MEGF11: variants seen among roughly 807,000 people sequenced by gnomAD.
MEGF11 encodes multiple EGF like domains 11.
In MEGF11, 126 loss-of-function variants were observed where a neutral mutation model predicts 146.6. The ratio of observed to expected loss-of-function variants is 0.86; its 90% CI spans 0.74 to 1.00. The LOEUF (loss-of-function observed/expected upper bound fraction) is 1.00. Among genes scored for constraint, MEGF11 ranks in the 50% least tolerant of loss-of-function variants. The pLI is 0.00. For missense variants in MEGF11, 1,509 were observed against 1,521.2 expected, an observed-to-expected ratio of 0.99 and a Z score of 0.13; for synonymous variants, 532 against 583.4, an observed-to-expected ratio of 0.91 and a Z score of 1.27.
chr15:65,909,017 T>TAGGGCTGGGGTC lies in MEGF11; in HGVS notation c.2998+5_2998+16dup. On this transcript the variant is annotated intron_variant, in intron 23 of 25. Coordinates refer to ENST00000395614, the MANE Select transcript of MEGF11 (RefSeq NM_001385028.1). ...TGGTCTGGCATGAGGGGGTGGAGGG[T>TAGGGCTGGGGTC]AGGGCTGGGGTCTGACCTGGTGAGT... 6.7e-7 allele frequency: 1 copy of TAGGGCTGGGGTC among 1,497,676 alleles called. No individual in the cohort carries two copies. The highest frequency in any genetic ancestry group is 9.0e-7 in the Non-Finnish European group (1 of 1,113,092). 92.8% of individuals were successfully genotyped at this position (1,497,676 alleles called of 1,614,324 possible). A position where few individuals can be genotyped will look rare whatever the true frequency, so the allele number is the denominator to read the frequency against.
intron 5 of MEGF11, among the ~76,000 whole-genome samples, chr15:66,043,511 T>C (rs1406990782): frequency 6.6e-6 from 1 of 152,044 alleles, no homozygotes; most frequent in African/African-American, 2.4e-5. Flanking sequence ...AATGTAATTA[T>C]GCCCGCGTGA....
chr15:66,186,278 AG>A (rs2090698567), intron 1 of MEGF11, among the ~76,000 whole-genome samples: 1 of 152,118 alleles, frequency 6.6e-6, no homozygotes. Flanking sequence ...AGGAGGCTAG[AG>A]TTTTTGGAAG....
chr15:66,218,576 G>C (rs531882156), intron 1 of MEGF11, among the ~76,000 whole-genome samples: 10 of 152,154 alleles, frequency 6.6e-5, no homozygotes, highest in Admixed American at 6.5e-4. Context: ...GGGGATGAAG[G>C]TTTTACTGCC....
intron 1 of MEGF11, among the ~76,000 whole-genome samples, chr15:66,130,138 T>C (rs2088575389): frequency 6.6e-6 from 1 of 152,142 alleles, no homozygotes; most frequent in South Asian, 2.1e-4. Flanking sequence ...AGCTCAGCGA[T>C]CATTTCAATC....
At chr15:66,121,219 C>A (rs2088008187) in intron 3 of MEGF11, among the ~76,000 whole-genome samples, 2 of 152,210 alleles carry the variant, frequency 1.3e-5, no homozygotes, top group South Asian at 4.1e-4. Context: ...TACCCCTGAG[C>A]AAACTTGGCT....
intron 5 of MEGF11, among the ~76,000 whole-genome samples, chr15:66,013,895 G>A (rs2082793442): frequency 6.6e-6 from 1 of 152,226 alleles, no homozygotes; most frequent in African/African-American, 2.4e-5. Flanking sequence ...TGGAGGAGCA[G>A]TTAGGGGCCA....
In MEGF11 at chr15:65,904,997, A is replaced by T. The variant is rs187591906; in HGVS notation, c.3055+1088T>A. On this transcript the variant is annotated intron_variant, in intron 24 of 25. Transcript: ENST00000395614. Reference sequence around the variant, plus strand: ...AACCTTTGCCTCCCGGCTTCAAGCAATTCTTGTGCCTCAGCCTCCCAAGTA... The same window carrying T: ...AACCTTTGCCTCCCGGCTTCAAGCATTTCTTGTGCCTCAGCCTCCCAAGTA... 5.9e-5 allele frequency among the ~76,000 whole-genome samples: 9 copies of T among 152,318 alleles called. No homozygotes were observed. In the East Asian group the frequency reaches 1.7e-3, roughly 29 times the overall value.
intron 5 of MEGF11, among the ~76,000 whole-genome samples, chr15:66,023,697 C>T (rs994724777): frequency 6.6e-6 from 1 of 150,770 alleles, no homozygotes; most frequent in Non-Finnish European, 1.5e-5. Flanking sequence ...GAAGAAAAGC[C>T]ACTGAATCAA....
chr15:66,111,949 T>G (rs909714224), intron 4 of MEGF11, among the ~76,000 whole-genome samples: 1 of 151,920 alleles, frequency 6.6e-6, no homozygotes, highest in Non-Finnish European at 1.5e-5. Flanking sequence ...CAAATCAGGC[T>G]ACCAAAGTAA....
intron 1 of MEGF11, among the ~76,000 whole-genome samples, chr15:66,152,947 T>C (rs1372636742): frequency 6.6e-6 from 1 of 152,216 alleles, no homozygotes; most frequent in Non-Finnish European, 1.5e-5. Context: ...TTGTGTGTAC[T>C]GCCATGCCGG....
chr15:66,116,432 A>G (rs1055289578), intron 4 of MEGF11, among the ~76,000 whole-genome samples: 1 of 151,892 alleles, frequency 6.6e-6, no homozygotes, highest in Non-Finnish European at 1.5e-5. Flanking sequence ...TTTCTAGTAC[A>G]CCCTGTAGCA....
At chr15:66,221,594 A>G (rs1182918659) in intron 1 of MEGF11, among the ~76,000 whole-genome samples, 2 of 132,846 alleles carry the variant, frequency 1.5e-5, no homozygotes, top group African/African-American at 5.7e-5. Flanking sequence ...AGAAGTGGGG[A>G]GGGAGCGGGG....
intron 5 of MEGF11, among the ~76,000 whole-genome samples, chr15:66,092,244 C>G (rs1045279787): frequency 6.6e-6 from 1 of 152,216 alleles, no homozygotes; most frequent in South Asian, 2.1e-4. Flanking sequence ...TTGGAAAGCT[C>G]TTAGCAGAGC....
intron 1 of MEGF11, among the ~76,000 whole-genome samples, chr15:66,168,246 C>T (rs930627720): frequency 6.6e-5 from 10 of 152,044 alleles, no homozygotes; most frequent in African/African-American, 2.4e-4. Context: ...CTTCCCTCTG[C>T]CTGGAATGTT....
chr15:66,071,998 G>A (rs530924690), intron 5 of MEGF11, among the ~76,000 whole-genome samples: 2 of 152,304 alleles, frequency 1.3e-5, no homozygotes, highest in South Asian at 4.1e-4. Context: ...CCCTTCCGGC[G>A]CTCTGCTCTC....
intron 5 of MEGF11, among the ~76,000 whole-genome samples, chr15:66,059,230 C>T (rs2084802133): frequency 6.6e-6 from 1 of 152,318 alleles, no homozygotes; most frequent in Non-Finnish European, 1.5e-5. Context: ...CTGTTCCCTC[C>T]CCCGCGCCAT....
intron 4 of MEGF11, among the ~76,000 whole-genome samples, chr15:66,097,029 T>C (rs2140711599): frequency 6.6e-6 from 1 of 152,296 alleles, no homozygotes; most frequent in East Asian, 1.9e-4. Flanking sequence ...GTTTCTGTGC[T>C]ACTCATGGAG....
At chr15:66,058,778 G>A (rs1312760771) in intron 5 of MEGF11, among the ~76,000 whole-genome samples, 1 of 152,114 alleles carries the variant, frequency 6.6e-6, no homozygotes, top group Non-Finnish European at 1.5e-5. Flanking sequence ...GGAGGAGGTG[G>A]TGATGCCTCC....
At chr15:65,968,462 C>A (rs2081191425) in intron 8 of MEGF11, among the ~76,000 whole-genome samples, 1 of 152,194 alleles carries the variant, frequency 6.6e-6, no homozygotes, top group African/African-American at 2.4e-5. Flanking sequence ...CTCTGAAGGG[C>A]AATTCCCTAG....
Sources: allele counts gnomAD v4.1 joint callset (sites outside exome capture counted in the v4.1 genomes callset), GRCh38; gene constraint gnomAD v4.1.1; transcripts MANE v1.5; gene names NCBI Gene and HGNC (gene_info 2026-07-23, HGNC 2026-07-21).